SOX5: variants seen among roughly 807,000 people sequenced by gnomAD.
The protein encoded by SOX5 is SRY-box transcription factor 5, also known as transcription factor SOX-5.
SOX5 carries 9 observed loss-of-function variants against 92.0 expected under a neutral mutation model. That is an observed-to-expected ratio of 0.10 (90% CI 0.06 to 0.17). The LOEUF is 0.17. Among genes scored for constraint, SOX5 ranks in the 10% least tolerant of loss-of-function variants. The pLI, the probability that SOX5 is intolerant of heterozygous loss-of-function variation, is 1.00. For synonymous variants in SOX5, 344 were observed against 336.3 expected (o/e 1.02, Z -0.25); for missense variants, 642 against 944.5 (o/e 0.68, Z 4.20).
At chr12:24,258,526 G>A (rs1941599182) in intron 3 of SOX5, among the ~76,000 whole-genome samples, 1 of 152,126 alleles carries the variant, frequency 6.6e-6, no homozygotes, top group Non-Finnish European at 1.5e-5. Context: ...CCTGTTATTT[G>A]TTAGCAAGTT....
At chr12:24,360,922 C>T (rs1203353183) in intron 2 of SOX5, among the ~76,000 whole-genome samples, 1 of 152,112 alleles carries the variant, frequency 6.6e-6, no homozygotes, top group Admixed American at 6.5e-5. Context: ...ATATCTAGTA[C>T]TAAATACATA....
At chr12:24,030,533 G>C (rs1230460567) in intron 4 of SOX5, among the ~76,000 whole-genome samples, 1 of 151,862 alleles carries the variant, frequency 6.6e-6, no homozygotes, top group Non-Finnish European at 1.5e-5. Flanking sequence ...ACACCATATA[G>C]AAAATCAACT....
chr12:24,254,328 A>T (rs1444583329), intron 3 of SOX5, among the ~76,000 whole-genome samples: 1 of 151,868 alleles, frequency 6.6e-6, no homozygotes, highest in Non-Finnish European at 1.5e-5. Flanking sequence ...ATCCATTAGC[A>T]CAGATGCTCC....
intron 4 of SOX5, among the ~76,000 whole-genome samples, chr12:24,081,458 AG>A (rs1473831625): frequency 2.0e-5 from 3 of 152,014 alleles, no homozygotes; most frequent in African/African-American, 4.8e-5. Context: ...AATTGCTAAC[AG>A]TAGCTGTAAA....
intron 1 of SOX5, among the ~76,000 whole-genome samples, chr12:23,921,425 T>G (rs1443312892): frequency 6.6e-6 from 1 of 151,944 alleles, no homozygotes; most frequent in Non-Finnish European, 1.5e-5. Flanking sequence ...CAATTTTACA[T>G]TTTCATATTG....
intron 3 of SOX5, among the ~76,000 whole-genome samples, chr12:23,777,331 G>A (rs1215779715): frequency 6.6e-6 from 1 of 152,114 alleles, no homozygotes; most frequent in African/African-American, 2.4e-5. Flanking sequence ...GTTATACTGT[G>A]GATACAGGCA....
intron 1 of SOX5, among the ~76,000 whole-genome samples, chr12:23,941,351 G>A (rs914434080): frequency 1.3e-5 from 2 of 151,518 alleles, no homozygotes; most frequent in Non-Finnish European, 3.0e-5. Context: ...CTAGAAGAAT[G>A]CTTTTAAAGC....
chr12:24,245,155 G>T (rs184879472), intron 3 of SOX5, among the ~76,000 whole-genome samples: 1 of 151,888 alleles, frequency 6.6e-6, no homozygotes, highest in Non-Finnish European at 1.5e-5. Flanking sequence ...TTATGTAATT[G>T]TTTAATTGAC....
At position 24,132,786 on chromosome 12, in the gene SOX5, C is replaced by G. The variant is rs570449303; in HGVS notation, c.-2+80557G>C. Among the ~76,000 whole-genome samples the G allele has an allele frequency of 3.5e-4, 53 of 152,138 alleles. No homozygotes were observed. In the South Asian group the frequency reaches 0.01, roughly 30 times the overall value. The stretch of plus-strand genomic sequence containing the variant: ...AGAACTCATAAACTAAATTTTGAAT[C>G]CTAACATTCTTAAAAAAACAGGATA... On this transcript the variant is annotated intron_variant, in intron 4 of 4. Coordinates refer to the SOX5 transcript ENST00000446891.
intron 1 of SOX5, among the ~76,000 whole-genome samples, chr12:24,396,644 C>T (rs537355468): frequency 2.6e-5 from 4 of 152,224 alleles, no homozygotes; most frequent in African/African-American, 4.8e-5. Context: ...ATAGAGTTAA[C>T]CCAGTGAATC....
intron 2 of SOX5, among the ~76,000 whole-genome samples, chr12:24,346,852 G>A (rs895963340): frequency 1.3e-5 from 2 of 151,966 alleles, no homozygotes; most frequent in African/African-American, 4.8e-5. Context: ...CACAGGAAGG[G>A]GAACATCACA....
intron 11 of SOX5, among the ~76,000 whole-genome samples, chr12:23,550,833 G>A (rs1445240618): frequency 1.3e-5 from 2 of 151,792 alleles, no homozygotes; most frequent in East Asian, 1.9e-4. Context: ...GTTCTAATAG[G>A]CATCCTATGT....
chr12:23,985,337 C>T (rs1372225598), intron 4 of SOX5, among the ~76,000 whole-genome samples: 7 of 152,032 alleles, frequency 4.6e-5, no homozygotes, highest in Non-Finnish European at 1.0e-4. Flanking sequence ...TAGCCTCAAA[C>T]TCCTGGCCTC....
chr12:23,792,179 G>A (rs2095485494), intron 3 of SOX5, among the ~76,000 whole-genome samples: 2 of 152,024 alleles, frequency 1.3e-5, no homozygotes, highest in Non-Finnish European at 2.9e-5. Context: ...AGACCAGAAG[G>A]AAAGCTTAGA....
intron 3 of SOX5, among the ~76,000 whole-genome samples, chr12:24,268,917 G>T (rs1943351732): frequency 6.6e-6 from 1 of 152,038 alleles, no homozygotes; most frequent in Non-Finnish European, 1.5e-5. Context: ...ATATTTTTTA[G>T]CTGCCATCCC....
chr12:24,517,552 C>T (rs995013825), intron 1 of SOX5, among the ~76,000 whole-genome samples: 5 of 152,054 alleles, frequency 3.3e-5, no homozygotes, highest in African/African-American at 1.2e-4. Flanking sequence ...CTTGGCAGTC[C>T]TTGAGGATAT....
chr12:24,351,764 T>C (rs960732882), intron 2 of SOX5, among the ~76,000 whole-genome samples: 2 of 152,318 alleles, frequency 1.3e-5, no homozygotes, highest in African/African-American at 4.8e-5. Context: ...TGTCTAACTA[T>C]TGGGTAATTA....
chr12:23,998,724 C>G (rs12814518), intron 4 of SOX5, among the ~76,000 whole-genome samples: 1 of 148,114 alleles, frequency 6.8e-6, no homozygotes, highest in Non-Finnish European at 1.5e-5. Flanking sequence ...TTCCTTGAAC[C>G]TCGGAGGCGG....
chr12:24,257,894 G>A (rs1941470032), intron 3 of SOX5, among the ~76,000 whole-genome samples: 1 of 152,010 alleles, frequency 6.6e-6, no homozygotes, highest in Non-Finnish European at 1.5e-5. Flanking sequence ...CCCTATTCTG[G>A]TCAGGCGCCA....
Sources: allele counts gnomAD v4.1 joint callset (sites outside exome capture counted in the v4.1 genomes callset), GRCh38; gene constraint gnomAD v4.1.1; transcripts MANE v1.5; gene names NCBI Gene and HGNC (gene_info 2026-07-23, HGNC 2026-07-21).